The following PLAG1 variants were observed in gnomAD, a reference collection of about 807,000 sequenced individuals.
PLAG1 encodes zinc finger protein PLAG1.
A neutral mutation model predicts 35.5 loss-of-function variants in PLAG1; 7 were observed. That is an observed-to-expected ratio of 0.20 (90% CI 0.11 to 0.37). The LOEUF (loss-of-function observed/expected upper bound fraction) is 0.37. Ranked by LOEUF, PLAG1 falls within the 10% of genes least tolerant of loss-of-function variation. The pLI is 1.00. For missense variants in PLAG1, 454 were observed against 602.8 expected, an observed-to-expected ratio of 0.75 and a Z score of 2.58; for synonymous variants, 229 against 225.4, an observed-to-expected ratio of 1.02 and a Z score of -0.14.
chr8:56,169,198 A>C (rs936629789), intron 3 of PLAG1, among the ~76,000 whole-genome samples: 1 of 152,154 alleles, frequency 6.6e-6, no homozygotes, highest in Non-Finnish European at 1.5e-5. Flanking sequence ...AGGCATCCCC[A>C]AGAGCTGAGG....
intron 2 of PLAG1, among the ~76,000 whole-genome samples, chr8:56,172,391 G>T (rs751092423): frequency 3.9e-5 from 6 of 152,068 alleles, no homozygotes; most frequent in Non-Finnish European, 7.4e-5. Context: ...GTAAAGCACA[G>T]GACATGCATA....
rs545606262 is a variant in PLAG1 at position 56,162,829 on chromosome 8, T to A, written c.*3414A>T. The A allele has an allele frequency of 2.3e-5, 5 of 214,870 alleles. No homozygotes were observed. The Admixed American group carries it at 2.3e-4, about 10-fold the overall frequency. 13.3% of individuals were successfully genotyped at this position (214,870 alleles called of 1,614,324 possible). A position where few individuals can be genotyped will look rare whatever the true frequency, so the allele number is the denominator to read the frequency against. On this transcript the variant is annotated 3_prime_UTR_variant, in exon 5 of 5. Coordinates refer to ENST00000316981, the MANE Select transcript of PLAG1 (RefSeq NM_002655.3). ...ACCGCTACTGTCCAAATTAACACAA[T>A]ATATCACTATATTCCACAAATGACT...
chr8:56,167,149 A>G lies in PLAG1; in HGVS notation c.597T>C (p.Asp199=), dbSNP rs746288490. The change falls in exon 5 of 5, where the codon GAT becomes GAC. Residue 199 remains aspartate (D), a synonymous_variant. Transcript: ENST00000316981. The surrounding 1 kb of genome is among the most constrained non-coding windows in gnomAD (Gnocchi z 5.9). ...HCDRRFYTRK[D]VRRHMVVHTG... is the part of the protein sequence containing the mutation. The stretch of plus-strand genomic sequence containing the variant: ...TGTGCACCACCATGTGTCTCCGGAC[A>G]TCCTTTCGGGTGTAGAACCGGCGAT... The G allele has an allele frequency of 6.1e-5, 99 of 1,613,934 alleles. No homozygotes were observed. Among genetic ancestry groups the G allele is most frequent in the Non-Finnish European group, 6.4e-5 (75 of 1,180,024 alleles).
At chr8:56,180,819 A>G (rs1188990871) in intron 1 of PLAG1, among the ~76,000 whole-genome samples, 1 of 152,226 alleles carries the variant, frequency 6.6e-6, no homozygotes, top group Non-Finnish European at 1.5e-5. Context: ...TCCATCTGAC[A>G]AAGGGATAAT....
chr8:56,194,418 A>T (rs1006578458), intron 1 of PLAG1, among the ~76,000 whole-genome samples: 2 of 152,054 alleles, frequency 1.3e-5, no homozygotes, highest in African/African-American at 4.8e-5. Context: ...ATAAAGGTGG[A>T]GAATAAATGA....
intron 1 of PLAG1, among the ~76,000 whole-genome samples, chr8:56,192,919 C>A (rs542844419): frequency 3.3e-5 from 5 of 151,856 alleles, no homozygotes; most frequent in African/African-American, 1.2e-4. Flanking sequence ...ACAAAAAACC[C>A]GTTTCTTTAA....
intron 1 of PLAG1, among the ~76,000 whole-genome samples, chr8:56,184,995 A>G (rs181483170): frequency 2.4e-4 from 36 of 152,306 alleles, no homozygotes; most frequent in Admixed American, 1.7e-3. Context: ...GTTGTAGTAT[A>G]TTCCTATAAT....
At chr8:56,170,796 T>C (rs1185735593) in intron 3 of PLAG1, among the ~76,000 whole-genome samples, 3 of 152,198 alleles carry the variant, frequency 2.0e-5, no homozygotes, top group African/African-American at 4.8e-5. Context: ...ATAATCAATA[T>C]GGAGTAACAA....
In PLAG1 at chr8:56,162,002, C is replaced by T. The variant is rs1462034231; in HGVS notation, c.*4241G>A. 4.4e-6 allele frequency: 1 copy of T among 226,672 alleles called. No individual in the cohort carries two copies. Among genetic ancestry groups the T allele is most frequent in the Non-Finnish European group, 8.8e-6 (1 of 113,756 alleles). The allele number at this position is 226,672 out of a possible 1,614,324, so 14.0% of individuals were successfully genotyped here. A position where few individuals can be genotyped will look rare whatever the true frequency, so the allele number is the denominator to read the frequency against. The stretch of plus-strand genomic sequence containing the variant: ...CAACATCATAGAAAGGCCCTAAGTG[C>T]AATCTGAGTGTGCCTTCACCAATGC... On this transcript the variant is annotated 3_prime_UTR_variant, in exon 5 of 5. Transcript: ENST00000316981.
intron 1 of PLAG1, among the ~76,000 whole-genome samples, chr8:56,208,997 C>G (rs1455019402): frequency 6.6e-6 from 1 of 152,152 alleles, no homozygotes. Flanking sequence ...TTCCTTCCCC[C>G]TAAAGAAATG....
intron 1 of PLAG1, among the ~76,000 whole-genome samples, chr8:56,201,421 C>T (rs1812550442): frequency 6.6e-6 from 1 of 152,170 alleles, no homozygotes; most frequent in Non-Finnish European, 1.5e-5. Context: ...ATACTTATAT[C>T]TTTAGAAAAA....
rs758306460 is a variant in PLAG1 at position 56,166,923 on chromosome 8, T to A, written c.823A>T (p.Ser275Cys). Residue 275 changes from serine to cysteine, a missense_variant, in exon 5 of 5, where the codon AGT becomes TGT. Around this residue, in one of 4 missense-constraint regions of PLAG1, gnomAD observed 271 missense variants for 315.6 expected, o/e 0.86. Coordinates refer to ENST00000316981, the MANE Select transcript of PLAG1 (RefSeq NM_002655.3). ...ELLPVMSLPS[S>C]ELLSKPFTNT... ...GTGAATGGCTTTGATAACAGTTCACTGGAAGGTAAGGACATCACCGGAAGG... is the reference window on the plus strand; with the variant it reads ...GTGAATGGCTTTGATAACAGTTCACAGGAAGGTAAGGACATCACCGGAAGG... 1.2e-6 allele frequency: 2 copies of A among 1,614,104 alleles called. No homozygotes were observed. The highest frequency in any genetic ancestry group is 2.2e-5 in the South Asian group (2 of 91,076).
In PLAG1 at chr8:56,174,570, C is replaced by T. The variant is rs919163872; in HGVS notation, c.-216-3381G>A. On this transcript the variant is annotated intron_variant, in intron 2 of 4. Transcript: ENST00000316981. ...TGCCAGTTTTATTCACTGTTGTTTC[C>T]CATAAAAGGCAGTTAAAGTAACTGT... is the stretch of plus-strand genomic sequence containing the variant. Among the ~76,000 whole-genome samples the T allele has an allele frequency of 7.2e-5, 11 of 152,138 alleles. No homozygotes were observed. The South Asian group carries it at 8.3e-4, about 11-fold the overall frequency.
chr8:56,194,207 C>T (rs1469327786), intron 1 of PLAG1, among the ~76,000 whole-genome samples: 1 of 151,034 alleles, frequency 6.6e-6, no homozygotes, highest in African/African-American at 2.4e-5. Context: ...GTCTCAGCTA[C>T]TCAGGAGGCT....
Position 56,165,847 on chromosome 8 carries a change from C to T in PLAG1, c.*396G>A, listed in dbSNP as rs999792696. ...ATTCACAAACTTTTTATACAATTTA[C>T]ATTCTATTGCTAAATTTTTTAATGA... On this transcript the variant is annotated 3_prime_UTR_variant, in exon 5 of 5. Transcript: ENST00000316981. The T allele has an allele frequency of 8.1e-5, 16 of 197,994 alleles. No individual in the cohort carries two copies. Among genetic ancestry groups the T allele is most frequent in the African/African-American group, 2.5e-4 (11 of 43,374 alleles). 12.3% of individuals were successfully genotyped at this position (197,994 alleles called of 1,614,324 possible). A position where few individuals can be genotyped will look rare whatever the true frequency, so the allele number is the denominator to read the frequency against.
At chr8:56,207,073 T>C (rs1812721264) in intron 1 of PLAG1, among the ~76,000 whole-genome samples, 1 of 152,038 alleles carries the variant, frequency 6.6e-6, no homozygotes, top group Non-Finnish European at 1.5e-5. Context: ...AACTTTTTTT[T>C]CCTTGGGGAT....
chr8:56,183,194 C>T (rs1264464904), intron 1 of PLAG1, among the ~76,000 whole-genome samples: 1 of 152,072 alleles, frequency 6.6e-6, no homozygotes, highest in Non-Finnish European at 1.5e-5. Flanking sequence ...TTGTTGAAAC[C>T]TTTCTGGAAT....
intron 1 of PLAG1, among the ~76,000 whole-genome samples, chr8:56,201,286 A>G (rs1350550828): frequency 6.6e-6 from 1 of 152,234 alleles, no homozygotes; most frequent in Non-Finnish European, 1.5e-5. Flanking sequence ...TAATGAAATA[A>G]GACCATTCAA....
At chr8:56,181,426 A>G (rs924200220) in intron 1 of PLAG1, among the ~76,000 whole-genome samples, 10 of 152,234 alleles carry the variant, frequency 6.6e-5, no homozygotes, top group Non-Finnish European at 1.5e-4. Context: ...AGAGACATGG[A>G]TGAAGCCGGA....
Sources: gnomAD v4.1 joint callset for allele counts (sites outside exome capture counted in the v4.1 genomes callset) on GRCh38, gnomAD v4.1.1 for gene constraint, gnomAD v4.1.1 regional missense constraint, Gnocchi (gnomAD v3.1) non-coding constraint, MANE v1.5 for transcripts, NCBI Gene and HGNC (gene_info 2026-07-23, HGNC 2026-07-21) for gene names.